The following GTSF1 variants were observed in gnomAD, a reference collection of about 807,000 sequenced individuals.
The protein encoded by GTSF1 is gametocyte-specific factor 1.
A neutral mutation model predicts 28.9 loss-of-function variants in GTSF1; 11 were observed. The ratio of observed to expected loss-of-function variants is 0.38; its 90% CI spans 0.24 to 0.63. The LOEUF (loss-of-function observed/expected upper bound fraction) is 0.63. Ranked by LOEUF, GTSF1 falls within the 30% of genes least tolerant of loss-of-function variation. The pLI, the probability that GTSF1 is intolerant of heterozygous loss-of-function variation, is 0.56. For synonymous variants in GTSF1, 69 were observed against 65.6 expected (o/e 1.05, Z -0.25); for missense variants, 146 against 201.0 (o/e 0.73, Z 1.66).
chr12:54,459,360 A>G, intron 7 of GTSF1: 1 of 1,418,946 alleles, frequency 7.0e-7, no homozygotes, highest in Non-Finnish European at 9.2e-7. Context: ...TGGGAAATGC[A>G]AGTATCCAGG....
In GTSF1 at chr12:54,463,261, G is replaced by GT; in HGVS notation, c.153_154insA (p.Pro52ThrfsTer12). On this transcript the variant is annotated frameshift_variant, in exon 4 of 9. Coordinates refer to ENST00000305879, the MANE Select transcript of GTSF1 (RefSeq NM_144594.3). LOFTEE classifies it high-confidence loss of function. ...GGAACCTGGTGGCGAGCATTGAAGG[G>GT]ACAAGTAGCCAATTTGCTTGCAACA... 1.9e-6 allele frequency: 3 copies of GT among 1,613,906 alleles called. No homozygotes were observed. The highest frequency in any genetic ancestry group is 2.5e-6 in the Non-Finnish European group (3 of 1,179,832).
intron 7 of GTSF1, chr12:54,459,752 A>C (rs1405967288): frequency 7.5e-6 from 1 of 133,744 alleles, no homozygotes; most frequent in South Asian, 1.3e-4. Context: ...TTTGAGACGG[A>C]GTCTCGCTCT....
intron 6 of GTSF1, among the ~76,000 whole-genome samples, chr12:54,460,971 T>C (rs927757726): frequency 6.6e-6 from 1 of 152,232 alleles, no homozygotes; most frequent in African/African-American, 2.4e-5. Context: ...AGCATTCTGT[T>C]TGGGGAAAAA....
rs1037933619 is a variant in GTSF1, at chr12:54,473,530, G to C, written c.-30+16C>G. 6.6e-6 allele frequency: 1 copy of C among 152,158 alleles called. No individual in the cohort carries two copies. Among genetic ancestry groups the C allele is most frequent in the South Asian group, 2.1e-4 (1 of 4,824 alleles). 9.4% of individuals were successfully genotyped at this position (152,158 alleles called of 1,614,324 possible). ...ATAGGAATTGCTTAGAGGCGCCCCG[G>C]GGTGCCTTTCCTTACCTCGGTGGAC... On this transcript the variant is annotated intron_variant, in intron 1 of 8. Transcript: ENST00000305879.
At chr12:54,463,818 C>T (rs1956464417) in intron 3 of GTSF1, among the ~76,000 whole-genome samples, 2 of 152,212 alleles carry the variant, frequency 1.3e-5, no homozygotes, top group South Asian at 4.1e-4. Context: ...CAGATTAACA[C>T]AGTGATGCTT....
chr12:54,460,299 AAC>A, intron 7 of GTSF1, 76 bp downstream of exon 7: 1 of 1,071,622 alleles, frequency 9.3e-7, no homozygotes, highest in Non-Finnish European at 1.4e-6. Context: ...GTTCAGACTG[AAC>A]ACATCTGAAT....
At chr12:54,457,660 G>A (rs1246714395) in intron 8 of GTSF1, among the ~76,000 whole-genome samples, 19 of 152,012 alleles carry the variant, frequency 1.2e-4, no homozygotes, top group Non-Finnish European at 8.8e-5. Context: ...GCACAGTCAT[G>A]GTACACTTTA....
At chr12:54,458,813 ATCTAG>A (rs1427679839) in intron 8 of GTSF1, among the ~76,000 whole-genome samples, 3,195 of 152,006 alleles carry the variant, frequency 0.021, 119 homozygotes, top group African/African-American at 0.073. Flanking sequence ...GGCATGATAG[ATCTAG>A]AATGCAACTT....
chr12:54,472,991 AGCCAACC>A (rs764044428), intron 1 of GTSF1, among the ~76,000 whole-genome samples: 5 of 152,178 alleles, frequency 3.3e-5, no homozygotes, highest in African/African-American at 4.8e-5. Flanking sequence ...GCTTGTAGGA[AGCCAACC>A]TATTCTTCCC....
intron 1 of GTSF1, among the ~76,000 whole-genome samples, 162 bp from the exon 2 acceptor site, chr12:54,471,439 C>A (rs572851480): frequency 6.6e-6 from 1 of 152,202 alleles, no homozygotes; most frequent in South Asian, 2.1e-4. Context: ...TTAAAGCATT[C>A]TTCTTGGAAT....
chr12:54,462,770 G>A (rs1218751781), intron 4 of GTSF1, 45 bp from the exon 5 acceptor site: 17 of 1,502,492 alleles, frequency 1.1e-5, no homozygotes, highest in Non-Finnish European at 1.5e-5. Context: ...ATATTGCCAA[G>A]TTATTGTGTT....
At chr12:54,458,850 T>C (rs990535668) in intron 8 of GTSF1, among the ~76,000 whole-genome samples, 1 of 147,592 alleles carries the variant, frequency 6.8e-6, no homozygotes, top group Non-Finnish European at 1.5e-5. Flanking sequence ...AAAAAGGCAA[T>C]GTGTACTAAT....
At chr12:54,460,846 T>C (rs574745037) in intron 6 of GTSF1, among the ~76,000 whole-genome samples, 4 of 152,292 alleles carry the variant, frequency 2.6e-5, no homozygotes, top group African/African-American at 9.6e-5. Flanking sequence ...TGAGGTAAAA[T>C]TAAAAGTTGT....
intron 3 of GTSF1, chr12:54,464,558 C>G (rs1314714722): frequency 6.6e-6 from 1 of 152,284 alleles, no homozygotes; most frequent in Non-Finnish European, 1.5e-5. Flanking sequence ...TAAGTCTATA[C>G]AAGAGTGACC....
At chr12:54,466,816 C>CTTTTTT (rs11404162) in intron 2 of GTSF1, 6 of 119,866 alleles carry the variant, frequency 5.0e-5, no homozygotes, top group Non-Finnish European at 8.2e-5. Context: ...ATTTAAAAAT[C>CTTTTTT]TTTTTTTTTT....
In GTSF1 at chr12:54,459,287, G is replaced by A. The variant is rs1485661621; in HGVS notation, c.488-162C>T. 7.0e-6 allele frequency: 10 copies of A among 1,435,328 alleles called. No individual in the cohort carries two copies. The East Asian group carries it at 7.8e-5, about 11-fold the overall frequency. 88.9% of individuals were successfully genotyped at this position (1,435,328 alleles called of 1,614,324 possible). A position where few individuals can be genotyped will look rare whatever the true frequency, so the allele number is the denominator to read the frequency against. On this transcript the variant is annotated intron_variant, in intron 7 of 8. Transcript: ENST00000305879. ...TAATCAGATTTCATTCAAGAGCATG[G>A]GAAAAGAAAATAGACCTTTACCTAC...
chr12:54,471,900 CAAAA>C (rs1265889876), intron 1 of GTSF1: 5 of 153,186 alleles, frequency 3.3e-5, no homozygotes, highest in African/African-American at 1.2e-4. Context: ...AACAAACAAA[CAAAA>C]AAACAAACTT....
chr12:54,471,113 CTT>C, intron 2 of GTSF1, 118 bp downstream of exon 2: 1 of 646,166 alleles, frequency 1.5e-6, no homozygotes, highest in Non-Finnish European at 2.4e-6. Context: ...ACCATAAAGA[CTT>C]TTCCTCCTTA....
At chr12:54,462,814 T>C (rs1191508746) in intron 4 of GTSF1, 89 bp from the exon 5 acceptor site, 3 of 1,003,388 alleles carry the variant, frequency 3.0e-6, no homozygotes. Flanking sequence ...GTTGCAAGGG[T>C]AGCCTGTTGG....
Sources: allele counts gnomAD v4.1 joint callset (sites outside exome capture counted in the v4.1 genomes callset), GRCh38; gene constraint gnomAD v4.1.1; transcripts MANE v1.5; gene names NCBI Gene and HGNC (gene_info 2026-07-23, HGNC 2026-07-21).